Variants in AFF2 observed in about 807,000 individuals in gnomAD.
AFF2 encodes the protein ALF transcription elongation factor 2.
AFF2 carries 14 observed loss-of-function variants against 76.9 expected under a neutral mutation model. The observed-to-expected ratio is 0.18, with a 90% CI of 0.12 to 0.28. The LOEUF is 0.28. Ranked by LOEUF, AFF2 falls within the 10% of genes least tolerant of loss-of-function variation. The pLI is 1.00. For missense variants in AFF2, 868 were observed against 1,001.1 expected (o/e 0.87, Z 1.79); for synonymous variants, 398 against 366.7 (o/e 1.09, Z -0.98).
chrX:148,639,459 A>G (rs2054065681), intron 1 of AFF2, among the ~76,000 whole-genome samples: 1 of 111,921 alleles, frequency 8.9e-6, no homozygotes, highest in African/African-American at 3.2e-5. Flanking sequence ...CAAAGAAAGA[A>G]CATTTGTATT....
chrX:148,559,903 A>C (rs2053091422), intron 1 of AFF2, among the ~76,000 whole-genome samples: 1 of 111,875 alleles, frequency 8.9e-6, no homozygotes, highest in African/African-American at 3.2e-5. Context: ...ACAGTGTAAA[A>C]GCATTCCTAT....
intron 8 of AFF2, among the ~76,000 whole-genome samples, chrX:148,898,822 A>G (rs2071323255): frequency 8.9e-6 from 1 of 111,980 alleles, no homozygotes; most frequent in Non-Finnish European, 1.9e-5. Context: ...TGCAAGACAT[A>G]GTTCTATCCA....
intron 3 of AFF2, among the ~76,000 whole-genome samples, chrX:148,708,709 G>A (rs781789609): frequency 8.9e-5 from 10 of 112,014 alleles, no homozygotes; most frequent in African/African-American, 1.3e-4. Context: ...GTGAGACTCC[G>A]TCTCAAAAAC....
intron 9 of AFF2, among the ~76,000 whole-genome samples, chrX:148,913,644 A>AT (rs1402473729): frequency 8.9e-6 from 1 of 112,236 alleles, no homozygotes; most frequent in African/African-American, 3.2e-5. Flanking sequence ...CAAATGTGGA[A>AT]TTAAACCATT....
intron 3 of AFF2, among the ~76,000 whole-genome samples, chrX:148,692,499 T>C (rs1383685993): frequency 8.9e-6 from 1 of 112,184 alleles, no homozygotes; most frequent in Non-Finnish European, 1.9e-5. Flanking sequence ...TTAATACTTA[T>C]GTTTTTGTTC....
chrX:148,951,521 T>C (rs950314208), intron 9 of AFF2, among the ~76,000 whole-genome samples: 4 of 111,682 alleles, frequency 3.6e-5, no homozygotes, highest in African/African-American at 1.3e-4. Context: ...ATCATAAATG[T>C]GGATACAAAT....
intron 3 of AFF2, among the ~76,000 whole-genome samples, chrX:148,807,336 T>A (rs1436946798): frequency 8.9e-6 from 1 of 112,171 alleles, no homozygotes; most frequent in African/African-American, 3.2e-5. Flanking sequence ...ATAACTTAAT[T>A]CATTGTATTG....
At chrX:148,962,177 A>G (rs2072117021) in intron 12 of AFF2, among the ~76,000 whole-genome samples, 1 of 112,811 alleles carries the variant, frequency 8.9e-6, no homozygotes, top group African/African-American at 3.2e-5. Flanking sequence ...TGTATATACA[A>G]TTTGCAATGT....
intron 1 of AFF2, among the ~76,000 whole-genome samples, chrX:148,640,648 C>T (rs2054078699): frequency 8.9e-6 from 1 of 112,274 alleles, no homozygotes; most frequent in Non-Finnish European, 1.9e-5. Flanking sequence ...TAAATATTTC[C>T]CTTTAAAAAT....
intron 7 of AFF2, among the ~76,000 whole-genome samples, chrX:148,876,407 G>A (rs2071036405): frequency 9.0e-6 from 1 of 111,410 alleles, no homozygotes; most frequent in Admixed American, 9.6e-5. Flanking sequence ...AAAGTGGAAA[G>A]TTACTGGTCT....
At chrX:148,581,109 A>G (rs1380506127) in intron 1 of AFF2, among the ~76,000 whole-genome samples, 3 of 104,091 alleles carry the variant, frequency 2.9e-5, no homozygotes, top group African/African-American at 1.0e-4. Context: ...ATATATACAC[A>G]TACGTATACA....
chrX:148,644,195 C>A (rs1247365627), intron 1 of AFF2, among the ~76,000 whole-genome samples: 2 of 111,773 alleles, frequency 1.8e-5, no homozygotes, highest in Non-Finnish European at 3.8e-5. Context: ...TTTAGACATA[C>A]CTTCTGGATC....
At chrX:148,570,121 G>T (rs1557242288) in intron 1 of AFF2, among the ~76,000 whole-genome samples, 1 of 111,672 alleles carries the variant, frequency 9.0e-6, no homozygotes, top group African/African-American at 3.3e-5. Context: ...GTTTATTTTG[G>T]TCTGTAATCT....
intron 3 of AFF2, among the ~76,000 whole-genome samples, chrX:148,753,962 C>T (rs1403647122): frequency 9.0e-6 from 1 of 111,163 alleles, no homozygotes; most frequent in African/African-American, 3.3e-5. Flanking sequence ...AGAATACAAA[C>T]TCCAGAGCCT....
chrX:148,977,161 C>T (rs1201342348), intron 16 of AFF2, among the ~76,000 whole-genome samples: 1 of 111,993 alleles, frequency 8.9e-6, no homozygotes, highest in Non-Finnish European at 1.9e-5. Flanking sequence ...TGCATTAAAG[C>T]TCAGACAATG....
intron 1 of AFF2, among the ~76,000 whole-genome samples, chrX:148,637,275 A>G (rs2054041531): frequency 1.8e-5 from 2 of 112,184 alleles, no homozygotes; most frequent in Admixed American, 1.9e-4. Flanking sequence ...TAGACAATAC[A>G]ATGGTCATGA....
intron 1 of AFF2, among the ~76,000 whole-genome samples, chrX:148,616,179 A>G (rs1397503761): frequency 9.0e-6 from 1 of 111,361 alleles, no homozygotes; most frequent in African/African-American, 3.3e-5. Flanking sequence ...TCTAACTGAA[A>G]TTTCATTATG....
intron 9 of AFF2, among the ~76,000 whole-genome samples, chrX:148,942,977 G>A (rs142315198): frequency 0.071 from 7,880 of 111,127 alleles, 335 homozygotes; most frequent in African/African-American, 0.15. Context: ...GTGAGGAAGT[G>A]GAACCAATAA....
intron 7 of AFF2, among the ~76,000 whole-genome samples, chrX:148,866,426 T>G (rs782603039): frequency 2.7e-5 from 3 of 112,383 alleles, no homozygotes; most frequent in African/African-American, 9.7e-5. Context: ...ATGTTAACAC[T>G]AGTAGCGAAC....
Sources: gnomAD v4.1 joint callset for allele counts (sites outside exome capture counted in the v4.1 genomes callset) on GRCh38, gnomAD v4.1.1 for gene constraint, MANE v1.5 for transcripts, NCBI Gene and HGNC (gene_info 2026-07-23, HGNC 2026-07-21) for gene names.